The following INSL6 variants were observed in gnomAD, a reference collection of about 807,000 sequenced individuals.
INSL6 encodes the protein insulin like 6.
INSL6 carries 16 observed loss-of-function variants against 9.4 expected under a neutral mutation model. The ratio of observed to expected loss-of-function variants is 1.70; its 90% CI spans 1.15 to 2.59. INSL6 has a LOEUF of 2.59. Ranked by LOEUF, INSL6 falls within the 30% of genes most tolerant of loss-of-function variation. The probability of loss-of-function intolerance (pLI) is 0.00; values close to 1 mark genes in which losing one functional copy is unlikely to be tolerated. For synonymous variants in INSL6, 154 were observed against 96.9 expected (o/e 1.59, Z -3.46); for missense variants, 391 against 257.3 (o/e 1.52, Z -3.56).
intron 2 of INSL6, among the ~76,000 whole-genome samples, chr9:5,141,792 C>T (rs1022889721): frequency 5.3e-5 from 8 of 152,088 alleles, no homozygotes; most frequent in Admixed American, 1.3e-4. Context: ...AAATCTTTGC[C>T]CATGCCTATG....
chr9:5,092,967 A>C, the INSL6 span, among the ~76,000 whole-genome samples: 2 of 152,222 alleles, frequency 1.3e-5, no homozygotes, highest in Non-Finnish European at 2.9e-5. Context: ...TAGTTGGCCC[A>C]AAAGCAGCCA....
the INSL6 span, among the ~76,000 whole-genome samples, chr9:5,032,574 C>T: frequency 6.6e-6 from 1 of 152,220 alleles, no homozygotes; most frequent in African/African-American, 2.4e-5. Context: ...CAGGCAGCAA[C>T]ATTTGCTGCT....
chr9:5,064,771 A>G, the INSL6 span: 21 of 705,034 alleles, frequency 3.0e-5, 1 homozygote, highest in East Asian at 4.9e-4. Flanking sequence ...CATAAAAGAT[A>G]TGAGCAATTT....
the INSL6 span, among the ~76,000 whole-genome samples, chr9:5,047,328 G>A: frequency 2.0e-5 from 3 of 152,170 alleles, no homozygotes; most frequent in African/African-American, 7.2e-5. Flanking sequence ...AAGTTCTTAA[G>A]ACAGTACCTG....
the INSL6 span, among the ~76,000 whole-genome samples, chr9:5,001,619 C>T: frequency 6.9e-6 from 1 of 144,244 alleles, no homozygotes; most frequent in African/African-American, 2.6e-5. Context: ...GAAACATTTG[C>T]CTGTAATTTT....
At chr9:5,118,806 G>A in the INSL6 span, among the ~76,000 whole-genome samples, 2 of 152,016 alleles carry the variant, frequency 1.3e-5, 1 homozygote, top group African/African-American at 4.8e-5. Context: ...TCTGTTATTG[G>A]GCAGTTTCAT....
the INSL6 span, among the ~76,000 whole-genome samples, chr9:5,106,791 G>C: frequency 5.3e-5 from 8 of 152,230 alleles, no homozygotes; most frequent in Non-Finnish European, 5.9e-5. Context: ...CAGCAAACTA[G>C]CGCAAGGACA....
chr9:5,015,460 C>T, the INSL6 span, among the ~76,000 whole-genome samples: 6 of 152,162 alleles, frequency 3.9e-5, no homozygotes, highest in South Asian at 2.1e-4. Flanking sequence ...GTGAGTTAAA[C>T]GGCTGGCACC....
At chr9:5,111,478 TGA>T in the INSL6 span, 4 of 381,536 alleles carry the variant, frequency 1.0e-5, no homozygotes, top group South Asian at 4.0e-5. Flanking sequence ...CCAGCTCAGG[TGA>T]GGAGTACGGT....
chr9:5,166,038 C>T (rs1825043316), intron 1 of INSL6, among the ~76,000 whole-genome samples: 1 of 152,142 alleles, frequency 6.6e-6, no homozygotes, highest in Non-Finnish European at 1.5e-5. Context: ...TCGACCCAAT[C>T]AGATTTCCTC....
the INSL6 span, among the ~76,000 whole-genome samples, chr9:5,107,596 T>C: frequency 0.024 from 3,629 of 152,232 alleles, 67 homozygotes; most frequent in Non-Finnish European, 0.038. Context: ...TCAAAAGAAA[T>C]GATTTCGATT....
chr9:5,045,513 C>A, the INSL6 span, among the ~76,000 whole-genome samples: 1 of 152,150 alleles, frequency 6.6e-6, no homozygotes, highest in East Asian at 1.9e-4. Context: ...CCATCCATCT[C>A]CAGAACATTT....
the INSL6 span, among the ~76,000 whole-genome samples, chr9:5,001,094 AT>A: frequency 6.6e-6 from 1 of 152,140 alleles, no homozygotes; most frequent in East Asian, 1.9e-4. Context: ...AGTTCTAGTA[AT>A]TTTTTGGTAG....
the INSL6 span, among the ~76,000 whole-genome samples, chr9:4,993,250 T>C: frequency 6.6e-6 from 1 of 152,204 alleles, no homozygotes; most frequent in East Asian, 1.9e-4. Context: ...AGATAATATT[T>C]CGTCTGAAAG....
the INSL6 span, among the ~76,000 whole-genome samples, chr9:5,096,275 T>C: frequency 1.3e-5 from 2 of 152,174 alleles, no homozygotes; most frequent in Admixed American, 1.3e-4. Context: ...AAATTTAGGT[T>C]AAATAAGACC....
At chr9:5,176,789 C>T (rs932846217) in intron 1 of INSL6, among the ~76,000 whole-genome samples, 1 of 151,156 alleles carries the variant, frequency 6.6e-6, no homozygotes, top group Non-Finnish European at 1.5e-5. Context: ...GATAAAAAAC[C>T]TATAGAATCA....
At chr9:5,074,173 C>T in the INSL6 span, among the ~76,000 whole-genome samples, 1 of 151,978 alleles carries the variant, frequency 6.6e-6, no homozygotes, top group African/African-American at 2.4e-5. Flanking sequence ...TTTAATGGAA[C>T]TGACAGAAAT....
intron 2 of INSL6, among the ~76,000 whole-genome samples, chr9:5,149,277 G>T (rs1824665048): frequency 6.6e-6 from 1 of 152,126 alleles, no homozygotes; most frequent in African/African-American, 2.4e-5. Context: ...TCCCTTTTCA[G>T]CCTCAGCAAC....
At chr9:5,027,264 A>G in the INSL6 span, among the ~76,000 whole-genome samples, 1 of 152,266 alleles carries the variant, frequency 6.6e-6, no homozygotes, top group African/African-American at 2.4e-5. Context: ...AAATATTGCA[A>G]TAAAGCAAAT....
Sources: gnomAD v4.1 joint callset for allele counts (sites outside exome capture counted in the v4.1 genomes callset) on GRCh38, gnomAD v4.1.1 for gene constraint, MANE v1.5 for transcripts, NCBI Gene and HGNC (gene_info 2026-07-23, HGNC 2026-07-21) for gene names.